The following ANKS1B variants were observed in gnomAD, a reference collection of about 807,000 sequenced individuals.
ANKS1B encodes the protein ankyrin repeat and sterile alpha motif domain containing 1B.
A neutral mutation model predicts 148.3 loss-of-function variants in ANKS1B; 36 were observed. The ratio of observed to expected loss-of-function variants is 0.24; its 90% CI spans 0.19 to 0.32. The LOEUF is 0.32. Ranked by LOEUF, ANKS1B falls within the 10% of genes least tolerant of loss-of-function variation. The probability of loss-of-function intolerance (pLI) is 1.00; values close to 1 mark genes in which losing one functional copy is unlikely to be tolerated. For missense variants in ANKS1B, 1,157 were observed against 1,542.6 expected (o/e 0.75, Z 4.19); for synonymous variants, 542 against 560.8 (o/e 0.97, Z 0.47).
Position 98,958,743 on chromosome 12 carries a change from C to A in ANKS1B, c.2778+94414G>T, listed in dbSNP as rs573967895. On this transcript the variant is annotated intron_variant, in intron 17 of 26. Coordinates refer to ENST00000683438, the MANE Select transcript of ANKS1B (RefSeq NM_001352186.2). ...ATTTTAAAGGATAAAATATGCTGCACAAAAGAGCCAGTACAGCCACTGCTT... is the reference window on the plus strand; with the variant it reads ...ATTTTAAAGGATAAAATATGCTGCAAAAAAGAGCCAGTACAGCCACTGCTT... 2.0e-5 allele frequency among the ~76,000 whole-genome samples: 3 copies of A among 152,104 alleles called. No homozygotes were observed. In the South Asian group the frequency reaches 6.2e-4, roughly 32 times the overall value.
At chr12:99,176,524 G>T (rs943202333) in intron 14 of ANKS1B, among the ~76,000 whole-genome samples, 2 of 152,072 alleles carry the variant, frequency 1.3e-5, no homozygotes, top group Non-Finnish European at 2.9e-5. Context: ...GAGCCTCAAT[G>T]TTAAAAAAAC....
At chr12:99,524,667 A>G (rs540238076) in intron 9 of ANKS1B, among the ~76,000 whole-genome samples, 1 of 152,348 alleles carries the variant, frequency 6.6e-6, no homozygotes, top group African/African-American at 2.4e-5. Flanking sequence ...ATGGACTCAC[A>G]GTCCCATGTT....
intron 10 of ANKS1B, among the ~76,000 whole-genome samples, chr12:99,486,681 T>C (rs1260248511): frequency 1.3e-5 from 2 of 152,100 alleles, no homozygotes; most frequent in Admixed American, 6.6e-5. Context: ...TAAGGTCTTA[T>C]CAAGGGGAAG....
At chr12:99,216,426 T>C (rs2084206583) in intron 14 of ANKS1B, among the ~76,000 whole-genome samples, 1 of 151,202 alleles carries the variant, frequency 6.6e-6, no homozygotes, top group African/African-American at 2.5e-5. Flanking sequence ...ATTTCTTTTA[T>C]TTGTTAAAAC....
At chr12:99,516,558 G>A (rs866371213) in intron 9 of ANKS1B, among the ~76,000 whole-genome samples, 22 of 152,120 alleles carry the variant, frequency 1.4e-4, no homozygotes, top group South Asian at 4.2e-4. Context: ...ATGGACCCAG[G>A]GAGGGGAACA....
Position 99,806,643 on chromosome 12 carries a change from C to A in ANKS1B, c.430G>T (p.Val144Phe), listed in dbSNP as rs2067662568. Reference sequence around the variant, plus strand: ...GTGAGCTCTTCTAGGAGAACAGCAACTACTTCTGAGTGTCCATATTGAGCT... The same window carrying A: ...GTGAGCTCTTCTAGGAGAACAGCAAATACTTCTGAGTGTCCATATTGAGCT... ...CAAQYGHSEV[V>F]AVLLEELTDP... Residue 144 changes from valine (V) to phenylalanine (F), a missense_variant, in exon 4 of 27, where the codon GTT (valine) becomes TTT (phenylalanine). By Grantham distance (50) the Val-to-Phe change is conservative. Coordinates refer to ENST00000683438, the MANE Select transcript of ANKS1B (RefSeq NM_001352186.2). 1 of 1,613,836 alleles carries A rather than the reference C, an allele frequency of 6.2e-7. No homozygotes were observed.
At chr12:99,192,597 C>T (rs2712668) in intron 14 of ANKS1B, among the ~76,000 whole-genome samples, 102,457 of 151,958 alleles carry the variant, frequency 0.67, 36,370 homozygotes, top group Admixed American at 0.79. Context: ...CTAATAACAA[C>T]GAAGATTAAC....
chr12:98,776,399 G>A (rs188052381), intron 24 of ANKS1B, among the ~76,000 whole-genome samples: 2 of 152,330 alleles, frequency 1.3e-5, no homozygotes, highest in African/African-American at 4.8e-5. Flanking sequence ...ATTTTAAGAA[G>A]GCCAGAGCTT....
intron 9 of ANKS1B, among the ~76,000 whole-genome samples, chr12:99,616,027 A>G (rs1598181548): frequency 6.6e-6 from 1 of 152,064 alleles, no homozygotes; most frequent in South Asian, 2.1e-4. Flanking sequence ...TCATGAGTGA[A>G]CTCCGATTCA....
intron 12 of ANKS1B, among the ~76,000 whole-genome samples, chr12:99,301,042 C>A (rs530142539): frequency 1.2e-3 from 178 of 152,194 alleles, no homozygotes; most frequent in Non-Finnish European, 1.8e-3. Flanking sequence ...CTCTGAGAAC[C>A]GGGGAGCCAA....
intron 12 of ANKS1B, among the ~76,000 whole-genome samples, chr12:99,394,168 C>A (rs2094167072): frequency 6.6e-6 from 1 of 152,152 alleles, no homozygotes; most frequent in Non-Finnish European, 1.5e-5. Flanking sequence ...CTCTACATTT[C>A]CTTCTCTGTC....
intron 17 of ANKS1B, among the ~76,000 whole-genome samples, chr12:98,854,956 G>C (rs985676943): frequency 6.6e-6 from 1 of 151,766 alleles, no homozygotes; most frequent in Non-Finnish European, 1.5e-5. Context: ...TCAGGAGATC[G>C]AGACCATCCT....
chr12:99,979,521 T>C (rs1269777974), intron 1 of ANKS1B, among the ~76,000 whole-genome samples: 1 of 152,048 alleles, frequency 6.6e-6, no homozygotes. Flanking sequence ...CTTCAGGAGA[T>C]TACTGAAGGT....
chr12:99,561,161 T>G (rs2097332451), intron 9 of ANKS1B, among the ~76,000 whole-genome samples: 1 of 152,170 alleles, frequency 6.6e-6, no homozygotes, highest in Non-Finnish European at 1.5e-5. Context: ...TTTCTTAAAA[T>G]AAGACAACAA....
Position 98,944,210 on chromosome 12 carries a change from G to A in ANKS1B, c.2778+108947C>T, listed in dbSNP as rs138823931. On this transcript the variant is annotated intron_variant, in intron 17 of 26. Transcript: ENST00000683438. ...AGCTACTGGGGAGGCTGAGGCAGGA[G>A]AATCGCTTGAACCCGGGAGGCAGAG... Among the ~76,000 whole-genome samples, 360 of 149,178 alleles carry A rather than the reference G, an allele frequency of 2.4e-3. 5 individuals carry two copies. The East Asian group carries it at 0.049, about 20-fold the overall frequency.
intron 17 of ANKS1B, among the ~76,000 whole-genome samples, chr12:98,953,537 G>GTTTTTTTTTGTTTTTTT (rs2099857276): frequency 1.7e-5 from 1 of 57,424 alleles, no homozygotes; most frequent in East Asian, 6.4e-4. Flanking sequence ...ATCTAGAGTG[G>GTTTTTTTTTGTTTTTTT]TTTTTTTTTT....
At chr12:98,815,271 A>G (rs2099130201) in intron 19 of ANKS1B, among the ~76,000 whole-genome samples, 1 of 152,200 alleles carries the variant, frequency 6.6e-6, no homozygotes, top group Non-Finnish European at 1.5e-5. Flanking sequence ...AGAAATGTCT[A>G]GATGGTCTCC....
At chr12:99,934,931 G>T (rs2094721355) in intron 1 of ANKS1B, among the ~76,000 whole-genome samples, 1 of 152,062 alleles carries the variant, frequency 6.6e-6, no homozygotes, top group Admixed American at 6.6e-5. Context: ...GATTGCCTTT[G>T]GGTCAGAGGA....
At chr12:98,956,813 G>C (rs989396427) in intron 17 of ANKS1B, among the ~76,000 whole-genome samples, 3 of 152,076 alleles carry the variant, frequency 2.0e-5, no homozygotes, top group Non-Finnish European at 4.4e-5. Context: ...CCTCATGAAA[G>C]TATACTTTCT....
Sources: allele counts gnomAD v4.1 joint callset (sites outside exome capture counted in the v4.1 genomes callset), GRCh38; gene constraint gnomAD v4.1.1; transcripts MANE v1.5; gene names NCBI Gene and HGNC (gene_info 2026-07-23, HGNC 2026-07-21).